Variants in GNAQ observed in about 807,000 individuals in gnomAD.
GNAQ encodes the protein guanine nucleotide-binding protein G(q) subunit alpha.
A neutral mutation model predicts 43.9 loss-of-function variants in GNAQ; 8 were observed. The observed-to-expected ratio is 0.18, with a 90% CI of 0.11 to 0.33. The LOEUF (loss-of-function observed/expected upper bound fraction) is 0.33, where lower values mean the gene tolerates loss of function less well. Ranked by LOEUF, GNAQ falls within the 10% of genes least tolerant of loss-of-function variation. The pLI is 1.00. For missense variants in GNAQ, 158 were observed against 450.8 expected (o/e 0.35, Z 5.88); for synonymous variants, 155 against 170.7 (o/e 0.91, Z 0.71).
chr9:78,026,410 GTTTCAACA>G (rs2118618098), intron 1 of GNAQ, among the ~76,000 whole-genome samples: 1 of 152,206 alleles, frequency 6.6e-6, no homozygotes, highest in South Asian at 2.1e-4. Context: ...TAAGTACTTT[GTTTCAACA>G]ACAACAAAAA....
At position 77,865,361 on chromosome 9, in the gene GNAQ, T is replaced by A. The variant is rs186693142; in HGVS notation, c.322-49591A>T. On this transcript the variant is annotated intron_variant, in intron 2 of 6. Coordinates refer to ENST00000286548, the MANE Select transcript of GNAQ (RefSeq NM_002072.5). The stretch of plus-strand genomic sequence containing the variant: ...CCTTACCTATGTGATTTTATGAAAT[T>A]ACTAAACTCATGCAGTAAGAAAGCT... Among the ~76,000 whole-genome samples the A allele has an allele frequency of 2.6e-5, 4 of 152,354 alleles. No individual in the cohort carries two copies. In the East Asian group the frequency reaches 7.7e-4, roughly 29 times the overall value.
intron 1 of GNAQ, among the ~76,000 whole-genome samples, chr9:77,999,290 T>A (rs994632659): frequency 6.6e-6 from 1 of 152,058 alleles, no homozygotes; most frequent in African/African-American, 2.4e-5. Context: ...ATTTACTCCA[T>A]CCGGGAAGTT....
intron 1 of GNAQ, among the ~76,000 whole-genome samples, chr9:77,941,876 C>A (rs1829318840): frequency 6.6e-6 from 1 of 150,410 alleles, no homozygotes; most frequent in African/African-American, 2.4e-5. Context: ...CATACCAGTT[C>A]TCGAAAATGT....
At chr9:77,882,234 GAT>G (rs1357441502) in intron 2 of GNAQ, among the ~76,000 whole-genome samples, 3 of 152,176 alleles carry the variant, frequency 2.0e-5, no homozygotes, top group African/African-American at 7.2e-5. Context: ...AGACCCTGCT[GAT>G]ATATGAGTTG....
intron 5 of GNAQ, among the ~76,000 whole-genome samples, chr9:77,767,601 A>G (rs941445630): frequency 6.6e-6 from 1 of 152,230 alleles, no homozygotes; most frequent in Non-Finnish European, 1.5e-5. Context: ...AACTTTTTAG[A>G]TTTCTACAAG....
chr9:77,916,050 G>C (rs1828897691), intron 2 of GNAQ, among the ~76,000 whole-genome samples: 1 of 152,128 alleles, frequency 6.6e-6, no homozygotes, highest in Admixed American at 6.5e-5. Context: ...TCTTAGGTGG[G>C]TGACAGAAGA....
intron 1 of GNAQ, among the ~76,000 whole-genome samples, chr9:77,975,753 TG>T (rs1454610374): frequency 6.8e-6 from 1 of 148,130 alleles, no homozygotes; most frequent in Non-Finnish European, 1.5e-5. Context: ...TTGGCCAGGA[TG>T]GTTGATCTCT....
intron 2 of GNAQ, among the ~76,000 whole-genome samples, chr9:77,875,518 C>G (rs573539235): frequency 5.3e-5 from 8 of 152,126 alleles, no homozygotes; most frequent in African/African-American, 1.9e-4. Flanking sequence ...ATTTGCTTCA[C>G]GCAAATAAGA....
intron 2 of GNAQ, among the ~76,000 whole-genome samples, chr9:77,832,385 T>C (rs1311706088): frequency 1.3e-5 from 2 of 152,136 alleles, no homozygotes; most frequent in African/African-American, 4.8e-5. Context: ...GAGCCACATG[T>C]ACTATGCTGA....
chr9:77,869,000 G>A (rs1451310387), intron 2 of GNAQ, among the ~76,000 whole-genome samples: 2 of 151,940 alleles, frequency 1.3e-5, no homozygotes, highest in Non-Finnish European at 2.9e-5. Context: ...GGGGAGGGGG[G>A]AAGAAATATA....
chr9:78,030,751 C>A, intron 1 of GNAQ: 1 of 376,338 alleles, frequency 2.7e-6, no homozygotes. Context: ...CCTTTCCACC[C>A]CCGCGCCTCT....
chr9:77,841,396 C>T (rs1215012257), intron 2 of GNAQ, among the ~76,000 whole-genome samples: 2 of 152,080 alleles, frequency 1.3e-5, no homozygotes, highest in Non-Finnish European at 2.9e-5. Context: ...AAGCCCAAAG[C>T]TCTCAGTATA....
chr9:77,799,207 T>C (rs900707559), intron 3 of GNAQ, among the ~76,000 whole-genome samples: 6 of 152,140 alleles, frequency 3.9e-5, no homozygotes, highest in African/African-American at 1.4e-4. Flanking sequence ...CTACAAAGTA[T>C]ATGCACAAAG....
intron 2 of GNAQ, among the ~76,000 whole-genome samples, chr9:77,835,586 A>G (rs2118563448): frequency 6.6e-6 from 1 of 152,338 alleles, no homozygotes; most frequent in East Asian, 1.9e-4. Flanking sequence ...GCTATCTTTG[A>G]TTGAGCATGG....
chr9:77,875,800 C>CT (rs1175552387), intron 2 of GNAQ, among the ~76,000 whole-genome samples: 14 of 152,260 alleles, frequency 9.2e-5, no homozygotes, highest in Admixed American at 9.2e-4. Flanking sequence ...TTAACCCAAC[C>CT]ACCCATTGCC....
At chr9:77,847,907 G>A (rs1231953132) in intron 2 of GNAQ, among the ~76,000 whole-genome samples, 1 of 152,190 alleles carries the variant, frequency 6.6e-6, no homozygotes, top group Non-Finnish European at 1.5e-5. Flanking sequence ...TTTTCCATTT[G>A]CACAAAGGCA....
rs371434955 is a variant in GNAQ, at chr9:77,976,380, GTTTTTT to G, written c.137-54041_137-54036del. Among the ~76,000 whole-genome samples the G allele has an allele frequency of 5.0e-3, 753 of 150,656 alleles. 9 individuals carry two copies. Among genetic ancestry groups the G allele is most frequent in the African/African-American group, 0.018 (726 of 41,044 alleles). ...CTTGGTTTTTGTTTTTTGGTTTTTG[GTTTTTT>G]TTTGTTTTTGTTTTTGTTTTTTTTG... On this transcript the variant is annotated intron_variant, in intron 1 of 6. Transcript: ENST00000286548.
intron 3 of GNAQ, among the ~76,000 whole-genome samples, chr9:77,799,717 G>C (rs548993301): frequency 6.6e-6 from 1 of 152,274 alleles, no homozygotes; most frequent in South Asian, 2.1e-4. Flanking sequence ...CTTCTTTGGA[G>C]GTGTGTTATC....
intron 1 of GNAQ, among the ~76,000 whole-genome samples, chr9:78,007,072 C>G (rs985749966): frequency 2.6e-5 from 4 of 152,160 alleles, no homozygotes; most frequent in Non-Finnish European, 5.9e-5. Flanking sequence ...AGAAGTCAGA[C>G]TGCACTTGTA....
Sources: gnomAD v4.1 joint callset for allele counts (sites outside exome capture counted in the v4.1 genomes callset) on GRCh38, gnomAD v4.1.1 for gene constraint, MANE v1.5 for transcripts, NCBI Gene and HGNC (gene_info 2026-07-23, HGNC 2026-07-21) for gene names.